Variants in SUMO2 observed in about 807,000 individuals in gnomAD.
The protein encoded by SUMO2 is small ubiquitin-related modifier 2.
Under a neutral mutation model 16.0 loss-of-function variants are expected in SUMO2, and 1 was observed. The observed-to-expected ratio is 0.06, with a 90% CI of 0.02 to 0.30. The LOEUF (loss-of-function observed/expected upper bound fraction) is 0.30, where lower values mean the gene tolerates loss of function less well. Ranked by LOEUF, SUMO2 falls within the 10% of genes least tolerant of loss-of-function variation. The pLI is 1.00. For synonymous variants in SUMO2, 36 were observed against 40.6 expected, an observed-to-expected ratio of 0.89 and a Z score of 0.43; for missense variants, 16 against 117.5, an observed-to-expected ratio of 0.14 and a Z score of 3.99.
intron 1 of SUMO2, chr17:75,182,471 C>G (rs1033875220): frequency 5.2e-6 from 1 of 190,656 alleles, no homozygotes; most frequent in Non-Finnish European, 1.1e-5. Flanking sequence ...GGAGACCCCG[C>G]GCGCCCTAAC....
At chr17:75,180,240 G>C (rs959937960) in intron 2 of SUMO2, among the ~76,000 whole-genome samples, 1 of 151,776 alleles carries the variant, frequency 6.6e-6, no homozygotes, top group African/African-American at 2.4e-5. Context: ...CCTCAACTCA[G>C]GAGGCAGAGG....
intron 2 of SUMO2, 64 bp downstream of exon 2, chr17:75,180,992 TC>T (rs2074824756): frequency 6.3e-7 from 1 of 1,592,158 alleles, no homozygotes. Context: ...TAGTTTTTGT[TC>T]CCATGAAAAT....
At chr17:75,176,804 C>G (rs1293171283) in intron 2 of SUMO2, among the ~76,000 whole-genome samples, 1 of 152,120 alleles carries the variant, frequency 6.6e-6, no homozygotes, top group African/African-American at 2.4e-5. Context: ...TTTAGTTACA[C>G]AGTCTATCCC....
Position 75,172,195 on chromosome 17 carries a change from G to T in SUMO2, c.225+2557C>A, listed in dbSNP as rs574406227. 4.0e-4 allele frequency among the ~76,000 whole-genome samples: 60 copies of T among 151,828 alleles called. 2 individuals are homozygous for T. In the South Asian group the frequency reaches 9.2e-3, roughly 23 times the overall value. On this transcript the variant is annotated intron_variant, in intron 3 of 3. Coordinates refer to ENST00000420826, the MANE Select transcript of SUMO2 (RefSeq NM_006937.4). ...GCACCACCATGCCCGGCTAATTTTTGTATTTTTAGTAGAGACGGGGTAGTT... is the reference window on the plus strand; with the variant it reads ...GCACCACCATGCCCGGCTAATTTTTTTATTTTTAGTAGAGACGGGGTAGTT...
rs182393827 is a variant in SUMO2, at chr17:75,168,741, T to C, written c.226-340A>G. 3.9e-5 allele frequency among the ~76,000 whole-genome samples: 6 copies of C among 152,218 alleles called. No individual in the cohort carries two copies. The East Asian group carries it at 1.2e-3, about 29-fold the overall frequency. ...CCTCAGTCTCCCAAGTAGCTGAGAT[T>C]ACAGGCATCCGCCACCATGCCCAGC... On this transcript the variant is annotated intron_variant, in intron 3 of 3. Coordinates refer to ENST00000420826, the MANE Select transcript of SUMO2 (RefSeq NM_006937.4).
At chr17:75,179,827 T>A (rs1054496798) in intron 2 of SUMO2, among the ~76,000 whole-genome samples, 1 of 151,870 alleles carries the variant, frequency 6.6e-6, no homozygotes, top group African/African-American at 2.4e-5. Context: ...CCCAGCTAAT[T>A]TTTTTGGATT....
At chr17:75,182,195 C>G (rs983743932) in intron 1 of SUMO2, among the ~76,000 whole-genome samples, 2 of 152,210 alleles carry the variant, frequency 1.3e-5, no homozygotes, top group African/African-American at 4.8e-5. Context: ...CGCTGCCCCT[C>G]CCCCTTCGGG....
At chr17:75,176,493 G>A (rs1244004523) in intron 2 of SUMO2, among the ~76,000 whole-genome samples, 1 of 152,018 alleles carries the variant, frequency 6.6e-6, no homozygotes, top group Non-Finnish European at 1.5e-5. Flanking sequence ...GCATCCGCCT[G>A]TAATCCCAGC....
chr17:75,169,507 C>T (rs1253293323), intron 3 of SUMO2, among the ~76,000 whole-genome samples: 2 of 151,528 alleles, frequency 1.3e-5, no homozygotes, highest in South Asian at 2.1e-4. Context: ...CCTCAGCCTC[C>T]CGAGTAGCTG....
rs1257009392 is a variant in SUMO2, at chr17:75,170,008, A to G, written c.226-1607T>C. Among the ~76,000 whole-genome samples the G allele has an allele frequency of 4.6e-5, 7 of 151,476 alleles. No individual in the cohort carries two copies. In the South Asian group the frequency reaches 1.2e-3, roughly 27 times the overall value. On this transcript the variant is annotated intron_variant, in intron 3 of 3. Coordinates refer to ENST00000420826, the MANE Select transcript of SUMO2 (RefSeq NM_006937.4). The stretch of plus-strand genomic sequence containing the variant: ...AGTCTCTACTAAAAATACAAAAAAC[A>G]AAACAAAAAAATTAGCTGGGCGTGG...
chr17:75,167,638 C>A lies in SUMO2; in HGVS notation c.*701G>T, dbSNP rs1398089900. On this transcript the variant is annotated 3_prime_UTR_variant, in exon 4 of 4. Transcript: ENST00000420826. ...TCAGAAACACCAAGTAGCTTTATTT[C>A]CTTCTTGAAATGTTACTTCTAAGCA... The A allele has an allele frequency of 6.6e-6, 1 of 152,316 alleles. No homozygotes were observed. Among genetic ancestry groups the A allele is most frequent in the Non-Finnish European group, 1.5e-5 (1 of 68,024 alleles). 9.4% of individuals were successfully genotyped at this position (152,316 alleles called of 1,614,324 possible).
chr17:75,176,828 G>C (rs1340427105), intron 2 of SUMO2, among the ~76,000 whole-genome samples: 1 of 152,036 alleles, frequency 6.6e-6, no homozygotes, highest in Non-Finnish European at 1.5e-5. Context: ...CACATAGTAG[G>C]TGCTGCTCAG....
intron 2 of SUMO2, among the ~76,000 whole-genome samples, chr17:75,175,328 CT>C (rs1002127444): frequency 1.6e-4 from 24 of 147,202 alleles, no homozygotes; most frequent in South Asian, 1.3e-3. Context: ...TTTTCCTTTT[CT>C]TTTTTTTTTG....
At chr17:75,176,638 A>C (rs995124165) in intron 2 of SUMO2, among the ~76,000 whole-genome samples, 3 of 149,272 alleles carry the variant, frequency 2.0e-5, no homozygotes, top group Non-Finnish European at 4.5e-5. Flanking sequence ...ACAACAACAA[A>C]ACCGACCTAA....
chr17:75,172,271 T>C (rs1251845610), intron 3 of SUMO2, among the ~76,000 whole-genome samples: 2 of 151,186 alleles, frequency 1.3e-5, no homozygotes, highest in South Asian at 2.1e-4. Context: ...GGTGATCAAC[T>C]TGCCTTGGCC....
At chr17:75,181,835 C>A (rs778071064) in intron 1 of SUMO2, among the ~76,000 whole-genome samples, 6 of 152,158 alleles carry the variant, frequency 3.9e-5, no homozygotes, top group Non-Finnish European at 7.3e-5. Context: ...TCCCCTCCCC[C>A]CCTTTGTTGT....
At position 75,166,153 on chromosome 17, in the gene SUMO2, A is replaced by G. The variant is rs1277527959; in HGVS notation, c.*2186T>C. The stretch of plus-strand genomic sequence containing the variant: ...GAAGTTCGAGACCAAACTGGTCAAC[A>G]TGGTGAGACCCCACCTCTAATTTAA... On this transcript the variant is annotated 3_prime_UTR_variant, in exon 4 of 4. Coordinates refer to ENST00000420826, the MANE Select transcript of SUMO2 (RefSeq NM_006937.4). 1.3e-5 allele frequency: 2 copies of G among 152,150 alleles called. No individual in the cohort carries two copies. Among genetic ancestry groups the G allele is most frequent in the Non-Finnish European group, 2.9e-5 (2 of 68,084 alleles). The allele number at this position is 152,150 out of a possible 1,614,324, so 9.4% of individuals were successfully genotyped here. A position where few individuals can be genotyped will look rare whatever the true frequency, so the allele number is the denominator to read the frequency against.
At chr17:75,173,551 G>A (rs535591968) in intron 3 of SUMO2, among the ~76,000 whole-genome samples, 10 of 151,366 alleles carry the variant, frequency 6.6e-5, no homozygotes, top group East Asian at 5.8e-4. Flanking sequence ...CTTGGGTGAC[G>A]GCAGCCTCCA....
chr17:75,181,848 T>C (rs569976207), intron 1 of SUMO2, among the ~76,000 whole-genome samples: 15 of 152,142 alleles, frequency 9.9e-5, no homozygotes, highest in African/African-American at 2.9e-4. Flanking sequence ...TTTGTTGTCA[T>C]GGGTCAAATA....
Sources: gnomAD v4.1 joint callset for allele counts (sites outside exome capture counted in the v4.1 genomes callset) on GRCh38, gnomAD v4.1.1 for gene constraint, MANE v1.5 for transcripts, NCBI Gene and HGNC (gene_info 2026-07-23, HGNC 2026-07-21) for gene names.